The following UVSSA variants were observed in gnomAD, a reference collection of about 807,000 sequenced individuals.
UVSSA encodes UV-stimulated scaffold protein A.
In UVSSA, 72 loss-of-function variants were observed where a neutral mutation model predicts 73.9. The observed-to-expected ratio is 0.97, with a 90% CI of 0.81 to 1.19. The LOEUF (loss-of-function observed/expected upper bound fraction) is 1.19, where lower values mean the gene tolerates loss of function less well. Among genes scored for constraint, UVSSA ranks in the 50% most tolerant of loss-of-function variants. UVSSA has a pLI of 0.00. For missense variants in UVSSA, 1,150 were observed against 965.0 expected, an observed-to-expected ratio of 1.19 and a Z score of -2.54; for synonymous variants, 454 against 391.3, an observed-to-expected ratio of 1.16 and a Z score of -1.89.
rs9996817 is a variant in UVSSA at position 1,383,827 on chromosome 4, A to T, written c.1923A>T (p.Ser641=). ...CAGCCACAGGGCAGGATCTCGGCTC[A>T]TCCAGGTACAGCGGGAAAGGCAGGG... is the stretch of plus-strand genomic sequence containing the variant. The part of the protein sequence containing the change: ...VEAATGQDLG[S]SRYSGKGRGK... The change falls in exon 13 of 14, where the codon TCA becomes TCT. Residue 641 remains serine, a synonymous_variant. Coordinates refer to ENST00000389851, the MANE Select transcript of UVSSA (RefSeq NM_020894.4). 6.2e-6 allele frequency: 10 copies of T among 1,613,076 alleles called. No homozygotes were observed. The highest frequency in any genetic ancestry group is 1.7e-5 in the Admixed American group (1 of 59,990).
At chr4:1,348,474 CAG>C (rs942336124) in intron 2 of UVSSA, among the ~76,000 whole-genome samples, 2 of 152,232 alleles carry the variant, frequency 1.3e-5, no homozygotes, top group Non-Finnish European at 2.9e-5. Flanking sequence ...AAATGTGATT[CAG>C]AGAGAAACGT....
intron 8 of UVSSA, among the ~76,000 whole-genome samples, chr4:1,374,003 C>T (rs1223211953): frequency 3.3e-5 from 5 of 152,242 alleles, no homozygotes; most frequent in Non-Finnish European, 2.9e-5. Context: ...ACCTCTTCGC[C>T]CCAGCTGCCA....
In UVSSA at chr4:1,386,610, ATCT is replaced by A; in HGVS notation, c.*653_*655del. On this transcript the variant is annotated 3_prime_UTR_variant, in exon 14 of 14. Transcript: ENST00000389851. ...GCAGCATTGGAGAAGGATACCGAAC[ATCT>A]TCTCGTGGGCTTACTGGCCATTTGT... The A allele has an allele frequency of 6.6e-6, 1 of 152,432 alleles. No homozygotes were observed. Among genetic ancestry groups the A allele is most frequent in the Non-Finnish European group, 1.5e-5 (1 of 68,128 alleles). 9.4% of individuals were successfully genotyped at this position (152,432 alleles called of 1,614,324 possible). A position where few individuals can be genotyped will look rare whatever the true frequency, so the allele number is the denominator to read the frequency against.
In UVSSA at chr4:1,371,274, G is replaced by GTA. The variant is rs1162831858; in HGVS notation, c.1289-4089_1289-4088insAT. On this transcript the variant is annotated intron_variant, in intron 8 of 13. Coordinates refer to ENST00000389851, the MANE Select transcript of UVSSA (RefSeq NM_020894.4). ...GGTGGACCTGTGTGTGTGTGTGTGTGTGTGTGTGTGTGTGTGTAAAATCGA... is the reference window on the plus strand; with the variant it reads ...GGTGGACCTGTGTGTGTGTGTGTGTGTATGTGTGTGTGTGTGTGTAAAATCGA... Among the ~76,000 whole-genome samples the GTA allele has an allele frequency of 7.0e-4, 107 of 151,958 alleles. 2 individuals carry two copies. The East Asian group carries it at 0.017, about 24-fold the overall frequency.
At chr4:1,372,110 C>T (rs556680420) in intron 8 of UVSSA, among the ~76,000 whole-genome samples, 289 of 152,306 alleles carry the variant, frequency 1.9e-3, no homozygotes, top group Non-Finnish European at 3.6e-3. Context: ...TTTTCTAGTA[C>T]CCACATAGGA....
At chr4:1,395,748 G>C (rs1194702660) in exon 14 of UVSSA, 1 of 1,614,196 alleles carries the variant, frequency 6.2e-7, no homozygotes, top group East Asian at 2.2e-5. Flanking sequence ...TGTCCTGCCG[G>C]CCGAGTCAGA....
intron 8 of UVSSA, among the ~76,000 whole-genome samples, chr4:1,371,588 G>A (rs977310430): frequency 1.3e-5 from 2 of 152,176 alleles, no homozygotes; most frequent in African/African-American, 4.8e-5. Flanking sequence ...CCACATGGCT[G>A]GGGAGGCCTC....
chr4:1,354,904 G>GGGAT, intron 6 of UVSSA, 57 bp downstream of exon 6: 2 of 1,370,820 alleles, frequency 1.5e-6, no homozygotes, highest in Non-Finnish European at 2.0e-6. Context: ...TGCCATGCAT[G>GGGAT]GGGGGGGTCC....
exon 14 of UVSSA, chr4:1,395,404 A>C (rs146804633): frequency 1.3e-6 from 2 of 1,487,006 alleles, no homozygotes; most frequent in Non-Finnish European, 1.8e-6. Context: ...GCCCATGTGG[A>C]GTGCCCGCCT....
intron 7 of UVSSA, among the ~76,000 whole-genome samples, chr4:1,355,703 G>C (rs1402327936): frequency 1.3e-5 from 2 of 152,174 alleles, no homozygotes; most frequent in Non-Finnish European, 2.9e-5. Context: ...CTGTCTGCTG[G>C]GCCTTGCGAG....
At position 1,353,381 on chromosome 4, in the gene UVSSA, A is replaced by G. The variant is rs1340254395; in HGVS notation, c.902A>G (p.His301Arg). 4.4e-6 allele frequency: 7 copies of G among 1,596,664 alleles called. No homozygotes were observed. In the South Asian group the frequency reaches 6.7e-5, roughly 15 times the overall value. Residue 301 changes from histidine (H) to arginine (R), a missense_variant, in exon 5 of 14, where the codon CAC (histidine) becomes CGC (arginine). Transcript: ENST00000389851. ...EFVRSHGLGS[H>R]KYTLDVELCS... ...GTGCGGAGCCACGGGCTGGGCTCGC[A>G]CAAGTACACGCTGGATGTGGAGCTC...
chr4:1,350,671 C>A (rs1174135312), intron 3 of UVSSA, among the ~76,000 whole-genome samples: 1 of 152,010 alleles, frequency 6.6e-6, no homozygotes, highest in African/African-American at 2.4e-5. Context: ...GGTGCACACC[C>A]ACAGTCCCAC....
At chr4:1,394,503 G>A (rs1560500629) in exon 14 of UVSSA, 1 of 1,611,878 alleles carries the variant, frequency 6.2e-7, no homozygotes, top group South Asian at 1.1e-5. Flanking sequence ...AGGTGTCCCT[G>A]CACCTCTTAT....
rs151285072 is a variant in UVSSA, at chr4:1,380,502, A to ATGGTTGC, written c.1752+273_1752+279dup. ...GGGGCCAAGACACACAGTATCCTCC[A>ATGGTTGC]TGGTTGCAGCCCGGGTCTGTGCTGG... is the stretch of plus-strand genomic sequence containing the variant. On this transcript the variant is annotated intron_variant, in intron 11 of 13. Transcript: ENST00000389851. 1.1e-3 allele frequency: 962 copies of ATGGTTGC among 864,508 alleles called. 4 individuals carry two copies. In the African/African-American group the frequency reaches 0.015, roughly 13 times the overall value. The allele number at this position is 864,508 out of a possible 1,614,324, so 53.6% of individuals were successfully genotyped here.
chr4:1,379,994 C>T (rs754829150), intron 10 of UVSSA, 53 bp from the exon 11 acceptor site: 176 of 1,534,798 alleles, frequency 1.1e-4, no homozygotes, highest in Non-Finnish European at 1.3e-4. Context: ...ACCGTGGCCA[C>T]GCTCTTCTGG....
chr4:1,354,336 G>T (rs995464135), intron 5 of UVSSA, among the ~76,000 whole-genome samples: 4 of 151,984 alleles, frequency 2.6e-5, no homozygotes, highest in Non-Finnish European at 4.4e-5. Context: ...AGGAGAGGCC[G>T]GGGGGGTGGG....
At chr4:1,348,815 A>G (rs532636610) in intron 2 of UVSSA, among the ~76,000 whole-genome samples, 1 of 152,350 alleles carries the variant, frequency 6.6e-6, no homozygotes, top group Non-Finnish European at 1.5e-5. Context: ...TGCGCCAGGA[A>G]ATCGAATTCG....
At chr4:1,367,775 C>T (rs1039700010) in intron 8 of UVSSA, among the ~76,000 whole-genome samples, 3 of 152,204 alleles carry the variant, frequency 2.0e-5, no homozygotes, top group Non-Finnish European at 2.9e-5. Context: ...TCCCCACCAC[C>T]GACCTCACTG....
chr4:1,373,742 C>G (rs1283987643), intron 8 of UVSSA, among the ~76,000 whole-genome samples: 1 of 152,170 alleles, frequency 6.6e-6, no homozygotes, highest in Non-Finnish European at 1.5e-5. Context: ...ATGCTGACAC[C>G]TGCGCGTCCC....
Sources: allele counts gnomAD v4.1 joint callset (sites outside exome capture counted in the v4.1 genomes callset), GRCh38; gene constraint gnomAD v4.1.1; transcripts MANE v1.5; gene names NCBI Gene and HGNC (gene_info 2026-07-23, HGNC 2026-07-21).